Variants in DPP10 observed in about 807,000 individuals in gnomAD.
The protein encoded by DPP10 is dipeptidyl peptidase like 10.
A neutral mutation model predicts 120.9 loss-of-function variants in DPP10; 33 were observed. That is an observed-to-expected ratio of 0.27 (90% CI 0.21 to 0.37). The LOEUF (loss-of-function observed/expected upper bound fraction) is 0.37. Ranked by LOEUF, DPP10 falls within the 10% of genes least tolerant of loss-of-function variation. DPP10 has a pLI of 1.00. For missense variants in DPP10, 816 were observed against 942.8 expected (o/e 0.87, Z 1.76); for synonymous variants, 337 against 326.1 (o/e 1.03, Z -0.36).
chr2:115,662,259 A>G (rs1391078024), intron 5 of DPP10, among the ~76,000 whole-genome samples: 2 of 152,138 alleles, frequency 1.3e-5, no homozygotes, highest in Admixed American at 1.3e-4. Context: ...TTATCCATCC[A>G]TCCACTGCAA....
chr2:115,100,237 T>C (rs937051354), intron 1 of DPP10, among the ~76,000 whole-genome samples: 2 of 152,020 alleles, frequency 1.3e-5, no homozygotes, highest in Non-Finnish European at 2.9e-5. Context: ...TTGACATGAG[T>C]TCGAGGCCAG....
chr2:115,652,190 A>T (rs943628157), intron 5 of DPP10, among the ~76,000 whole-genome samples: 1 of 152,090 alleles, frequency 6.6e-6, no homozygotes, highest in African/African-American at 2.4e-5. Context: ...AAATCAATTC[A>T]TTTAATTATA....
intron 1 of DPP10, among the ~76,000 whole-genome samples, chr2:115,209,431 TACAC>T (rs1240482585): frequency 2.0e-5 from 3 of 152,162 alleles, no homozygotes; most frequent in Non-Finnish European, 4.4e-5. Context: ...CAAACATACA[TACAC>T]ATACATGCTA....
rs371399257 is a variant in DPP10, at chr2:114,919,921, T to C, written c.61-389318T>C. The stretch of plus-strand genomic sequence containing the variant: ...CCTCTCCCTCCACCTGGCCTTTTCA[T>C]ATAGCTAGCATGGATTTGCTAACAG... On this transcript the variant is annotated intron_variant, in intron 1 of 25. Coordinates refer to ENST00000410059, the MANE Select transcript of DPP10 (RefSeq NM_020868.6). 1.5e-3 allele frequency among the ~76,000 whole-genome samples: 224 copies of C among 152,290 alleles called. 2 individuals carry two copies. The highest frequency in any genetic ancestry group is 4.8e-3 in the African/African-American group (198 of 41,576).
intron 5 of DPP10, among the ~76,000 whole-genome samples, chr2:115,534,275 A>C (rs1197006927): frequency 1.3e-5 from 2 of 151,894 alleles, no homozygotes; most frequent in African/African-American, 4.8e-5. Context: ...GGCACCCCAC[A>C]ACAGTCCCTA....
chr2:115,568,405 TCC>T (rs776494581), intron 5 of DPP10, among the ~76,000 whole-genome samples: 10 of 144,980 alleles, frequency 6.9e-5, no homozygotes, highest in Middle Eastern at 8.3e-3. Context: ...ATCGCTTGAA[TCC>T]GGGAGGCAGA....
At position 115,844,393 on chromosome 2, in the gene DPP10, GT is replaced by G. The variant is rs1384193760; in HGVS notation, c.*2051del. 1.3e-5 allele frequency: 2 copies of G among 152,334 alleles called. No individual in the cohort carries two copies. The highest frequency in any genetic ancestry group is 4.8e-5 in the African/African-American group (2 of 41,342). 9.4% of individuals were successfully genotyped at this position (152,334 alleles called of 1,614,324 possible). A position where few individuals can be genotyped will look rare whatever the true frequency, so the allele number is the denominator to read the frequency against. ...CTCTTGTTTTATTATTATTATCAAT[GT>G]TTATCTATTTTTCAATTAATTTAAT... On this transcript the variant is annotated 3_prime_UTR_variant, in exon 26 of 26. Transcript: ENST00000410059.
chr2:114,845,067 A>T (rs1688435679), intron 1 of DPP10, among the ~76,000 whole-genome samples: 1 of 152,162 alleles, frequency 6.6e-6, no homozygotes, highest in African/African-American at 2.4e-5. Flanking sequence ...AGTATGTATG[A>T]TTCCAACGCT....
intron 1 of DPP10, among the ~76,000 whole-genome samples, chr2:115,196,653 A>C (rs1027753321): frequency 2.0e-5 from 3 of 152,060 alleles, no homozygotes; most frequent in Non-Finnish European, 4.4e-5. Flanking sequence ...CTTTTTTTAA[A>C]AGATTGGACT....
intron 1 of DPP10, among the ~76,000 whole-genome samples, chr2:114,504,412 A>G (rs571186418): frequency 3.3e-5 from 5 of 152,184 alleles, no homozygotes; most frequent in Non-Finnish European, 7.4e-5. Flanking sequence ...ACTTGATCTC[A>G]TGTTAACTTC....
chr2:115,438,363 C>T (rs1397118345), intron 3 of DPP10, among the ~76,000 whole-genome samples: 1 of 152,008 alleles, frequency 6.6e-6, no homozygotes, highest in East Asian at 1.9e-4. Context: ...AAAGAAATGC[C>T]ACTGCTATGT....
At chr2:115,358,228 G>T (rs2064534913) in intron 3 of DPP10, among the ~76,000 whole-genome samples, 1 of 151,908 alleles carries the variant, frequency 6.6e-6, no homozygotes. Flanking sequence ...GCCTCCTCTT[G>T]AGCACTTTGT....
intron 1 of DPP10, among the ~76,000 whole-genome samples, chr2:114,804,291 G>A (rs1684530486): frequency 6.6e-6 from 1 of 152,208 alleles, no homozygotes; most frequent in African/African-American, 2.4e-5. Flanking sequence ...GGGCCCTTAA[G>A]GAGAACCTCT....
chr2:115,618,216 T>C (rs2084675208), intron 5 of DPP10, among the ~76,000 whole-genome samples: 1 of 152,192 alleles, frequency 6.6e-6, no homozygotes, highest in African/African-American at 2.4e-5. Context: ...TGCTTTCTAC[T>C]AGGGATGAGT....
chr2:115,668,138 T>G (rs1398518005), intron 5 of DPP10, among the ~76,000 whole-genome samples: 1 of 152,146 alleles, frequency 6.6e-6, no homozygotes, highest in East Asian at 1.9e-4. Flanking sequence ...ATATACTTTA[T>G]CCAGAAATTA....
chr2:114,470,752 A>G (rs934178273), intron 1 of DPP10, among the ~76,000 whole-genome samples: 9 of 152,228 alleles, frequency 5.9e-5, no homozygotes, highest in Admixed American at 6.5e-5. Context: ...ATTATATTTT[A>G]TCTTCTCCCA....
intron 1 of DPP10, among the ~76,000 whole-genome samples, chr2:114,852,069 C>T (rs1394790288): frequency 2.0e-5 from 3 of 151,350 alleles, no homozygotes; most frequent in Non-Finnish European, 4.4e-5. Context: ...CAGCCTCATC[C>T]TCTATCCCCA....
At chr2:114,728,424 C>T (rs1022895346) in intron 1 of DPP10, among the ~76,000 whole-genome samples, 5 of 152,090 alleles carry the variant, frequency 3.3e-5, no homozygotes, top group Non-Finnish European at 5.9e-5. Flanking sequence ...TTATTCTGAG[C>T]CTCGGGTGTT....
rs535954485 is a variant in DPP10 at position 115,067,523 on chromosome 2, A to C, written c.61-241716A>C. Among the ~76,000 whole-genome samples the C allele has an allele frequency of 2.1e-3, 312 of 145,368 alleles. 1 individual carries two copies. The highest frequency in any genetic ancestry group is 3.6e-3 in the Non-Finnish European group (238 of 66,126). On this transcript the variant is annotated intron_variant, in intron 1 of 25. Transcript: ENST00000410059. ...CGCCTCGGCCTCCCAAAGTGCTGGG[A>C]TCACAGGCGTGAGCCACCGCGCCCA...
Sources: allele counts gnomAD v4.1 joint callset (sites outside exome capture counted in the v4.1 genomes callset), GRCh38; gene constraint gnomAD v4.1.1; transcripts MANE v1.5; gene names NCBI Gene and HGNC (gene_info 2026-07-23, HGNC 2026-07-21).